Variants in TTN observed in about 807,000 individuals in gnomAD.
TTN encodes titin.
Under a neutral mutation model 3,223.0 loss-of-function variants are expected in TTN, and 1,525 were observed. The ratio of observed to expected loss-of-function variants is 0.47; its 90% CI spans 0.45 to 0.49. The LOEUF is 0.49. Among genes scored for constraint, TTN ranks in the 20% least tolerant of loss-of-function variants. The pLI, the probability that TTN is intolerant of heterozygous loss-of-function variation, is 0.00. For missense variants in TTN, 40,786 were observed against 43,424.0 expected (o/e 0.94, Z 5.40); for synonymous variants, 14,094 against 15,161.0 (o/e 0.93, Z 5.17).
In TTN at chr2:178,718,236, A is replaced by G; in HGVS notation, c.24785-15T>C. 1.9e-6 allele frequency: 3 copies of G among 1,594,096 alleles called. No homozygotes were observed. Among genetic ancestry groups the G allele is most frequent in the Non-Finnish European group, 2.6e-6 (3 of 1,172,362 alleles). The stretch of plus-strand genomic sequence containing the variant: ...GTACGGTGGTTCTATGGTACAAAGG[A>G]TGGTAGTCAGCAAGTCAGTCATGCC... On this transcript the variant is annotated splice_polypyrimidine_tract_variant and intron_variant, in intron 85 of 362. Coordinates refer to ENST00000589042, the MANE Select transcript of TTN (RefSeq NM_001267550.2).
intron 359 of TTN, 174 bp from the exon 360 acceptor site, chr2:178,529,393 T>C (rs1688031440): frequency 8.4e-6 from 4 of 476,856 alleles, no homozygotes; most frequent in Non-Finnish European, 1.4e-5. Context: ...CATGTGTGAC[T>C]TTTGAGATCA....
At chr2:178,739,063 A>G (rs532979829) in intron 48 of TTN, 78 bp downstream of exon 48, 1 of 1,423,740 alleles carries the variant, frequency 7.0e-7, no homozygotes, top group Non-Finnish European at 9.2e-7. Flanking sequence ...AGATAAGTGA[A>G]AATTTAAGTG....
In TTN at chr2:178,549,478, A is replaced by G; in HGVS notation, c.92153-5T>C. The G allele has an allele frequency of 1.3e-6, 2 of 1,596,470 alleles. No homozygotes were observed. Among genetic ancestry groups the G allele is most frequent in the Non-Finnish European group, 1.7e-6 (2 of 1,169,976 alleles). Reference sequence around the variant, plus strand: ...TGCCAGGGGCATCAGGAACAGCTGTAAAACAAAAACAAAACCCCAAATCAA... The same window carrying G: ...TGCCAGGGGCATCAGGAACAGCTGTGAAACAAAAACAAAACCCCAAATCAA... On this transcript the variant is annotated splice_region_variant and splice_polypyrimidine_tract_variant and intron_variant, in intron 338 of 362. Coordinates refer to ENST00000589042, the MANE Select transcript of TTN (RefSeq NM_001267550.2).
In TTN at chr2:178,572,476, C is replaced by T; in HGVS notation, c.73656G>A (p.Lys24552=). 6.2e-7 allele frequency: 1 copy of T among 1,612,900 alleles called. No individual in the cohort carries two copies. The highest frequency in any genetic ancestry group is 8.5e-7 in the Non-Finnish European group (1 of 1,179,298). Residue 24552 remains lysine, a synonymous_variant, in exon 326 of 363, where the codon AAG becomes AAA. Coordinates refer to ENST00000589042, the MANE Select transcript of TTN (RefSeq NM_001267550.2). ...ATTCCCGCTTTTCAACAATATAGTTCTTGATTTTTGAACCTCCATCAAGGA... is the reference window on the plus strand; with the variant it reads ...ATTCCCGCTTTTCAACAATATAGTTTTTGATTTTTGAACCTCCATCAAGGA... ...PPLLDGGSKI[K]NYIVEKREST... is the part of the protein sequence containing the mutation.
chr2:178,697,282 A>G lies in TTN; in HGVS notation c.30755-114T>C, dbSNP rs183498457. 140 of 777,028 alleles carry G rather than the reference A, an allele frequency of 1.8e-4. No individual in the cohort carries two copies. In the African/African-American group the frequency reaches 2.4e-3, roughly 14 times the overall value. The allele number at this position is 777,028 out of a possible 1,614,324, so 48.1% of individuals were successfully genotyped here. A position where few individuals can be genotyped will look rare whatever the true frequency, so the allele number is the denominator to read the frequency against. On this transcript the variant is annotated intron_variant, in intron 112 of 362. Transcript: ENST00000589042. ...TTTGTAGGAGCTATGACTACTACTC[A>G]TACACCAGCCCTTCCAGGAATCATA...
At position 178,777,832 on chromosome 2, in the gene TTN, A is replaced by T. The variant is rs1197957042; in HGVS notation, c.4352T>A (p.Leu1451His). 6.2e-7 allele frequency: 1 copy of T among 1,614,050 alleles called. No individual in the cohort carries two copies. The highest frequency in any genetic ancestry group is 8.5e-7 in the Non-Finnish European group (1 of 1,179,954). ...AAAGACTGGTTTATATAGTCTCTCA[A>T]GTTGTGACTCATCTGTCTCCTCCAG... The part of the protein sequence containing the change: ...RRLEETDESQ[L>H]ERLYKPVFVL... The change falls in exon 25 of 363, where the codon CTT (leucine) becomes CAT (histidine). Residue 1451 changes from leucine (L) to histidine (H), a missense_variant. By Grantham distance (99) the Leu-to-His change is moderately conservative. Coordinates refer to ENST00000589042, the MANE Select transcript of TTN (RefSeq NM_001267550.2).
chr2:178,779,429 T>C lies in TTN; in HGVS notation c.3763A>G (p.Ile1255Val), dbSNP rs756789018. The C allele has an allele frequency of 1.3e-6, 2 of 1,568,666 alleles. No homozygotes were observed. The highest frequency in any genetic ancestry group is 2.3e-5 in the East Asian group (1 of 44,244). Reference protein sequence around the residue: ...FHISSFEERLIKEIEYRIIKT... With the variant: ...FHISSFEERLVKEIEYRIIKT... ...ATTATTCTATATTCAATTTCTTTAA[T>C]AAGTCTCTCTTCAAAGGAAGAAATA... The change falls in exon 23 of 363, where the codon ATT becomes GTT. Residue 1255 changes from isoleucine (I) to valine (V), a missense_variant. Ile to Val is a conservative substitution (Grantham distance 29). Coordinates refer to ENST00000589042, the MANE Select transcript of TTN (RefSeq NM_001267550.2).
At chr2:178,617,691 A>T in intron 253 of TTN, 88 bp downstream of exon 253, 3 of 1,516,334 alleles carry the variant, frequency 2.0e-6, no homozygotes, top group Non-Finnish European at 2.7e-6. Flanking sequence ...CCTTTTTATT[A>T]ACTTTCATTT....
Position 178,771,215 on chromosome 2 carries a change from A to G in TTN, c.8112T>C (p.Val2704=). The change falls in exon 34 of 363, where the codon GTT becomes GTC. Residue 2704 remains valine (V), a synonymous_variant. Transcript: ENST00000589042. ...ATSKTSAKLK[V]EAVKIKKTLK... is the part of the protein sequence containing the mutation. ...GACAAATCCTATGTTACTTGCCTTC[A>G]ACTTTGAGTTTGGCAGATGTTTTGG... The G allele has an allele frequency of 6.2e-7, 1 of 1,614,008 alleles. No homozygotes were observed. The highest frequency in any genetic ancestry group is 1.3e-5 in the African/African-American group (1 of 75,052).
In TTN at chr2:178,712,077, G is replaced by A. The variant is rs1043001490; in HGVS notation, c.27753C>T (p.Tyr9251=). The part of the protein sequence containing the change: ...GDTKLRPTTT[Y]KMHFRNNVAT... ...CAACATTATTCCTAAAATGCATTTT[G>A]TAAGTCGTAGTGGGTCTCAATTTTG... The change falls in exon 96 of 363, where the codon TAC becomes TAT. Residue 9251 remains tyrosine, a synonymous_variant. Coordinates refer to ENST00000589042, the MANE Select transcript of TTN (RefSeq NM_001267550.2). 1 of 1,613,824 alleles carries A rather than the reference G, an allele frequency of 6.2e-7. No individual in the cohort carries two copies. The highest frequency in any genetic ancestry group is 8.5e-7 in the Non-Finnish European group (1 of 1,179,772).
At chr2:178,600,800 AC>A in intron 288 of TTN, 53 bp downstream of exon 288, 1 of 1,602,042 alleles carries the variant, frequency 6.2e-7, no homozygotes, top group Non-Finnish European at 8.5e-7. Context: ...ATTATTGAAC[AC>A]CTAGGAAGGC....
chr2:178,696,759 A>G (rs1213181501), intron 113 of TTN, among the ~76,000 whole-genome samples: 1 of 152,098 alleles, frequency 6.6e-6, no homozygotes, highest in African/African-American at 2.4e-5. Context: ...TTATGTAACC[A>G]AGTTAATTAG....
rs750859083 is a variant in TTN at position 178,731,910 on chromosome 2, C to T, written c.16965G>A (p.Met5655Ile). ...GAGTGCCTGCCACCTCAGCCAGCAA[C>T]ATGACATCGTACTCCTTTAAGACTT... ...PIEVLKEYDVMLLAEVAGTPP... is the reference protein window; with the variant it reads ...PIEVLKEYDVILLAEVAGTPP... Residue 5655 changes from methionine (M) to isoleucine (I), a missense_variant, in exon 58 of 363, where the codon ATG becomes ATA. Coordinates refer to ENST00000589042, the MANE Select transcript of TTN (RefSeq NM_001267550.2). 6.2e-7 allele frequency: 1 copy of T among 1,613,668 alleles called. No homozygotes were observed. Among genetic ancestry groups the T allele is most frequent in the Admixed American group, 1.7e-5 (1 of 59,996 alleles).
At chr2:178,601,236 A>C (rs770438403) in intron 287 of TTN, 29 bp downstream of exon 287, 1 of 1,519,800 alleles carries the variant, frequency 6.6e-7, no homozygotes, top group Non-Finnish European at 8.8e-7. Context: ...TTTTGAGAAG[A>C]TATTTTAAAT....
rs1197425178 is a variant in TTN at position 178,756,527 on chromosome 2, T to C, written c.10949A>G (p.Glu3650Gly). The stretch of plus-strand genomic sequence containing the variant: ...CTCACCCGTGGACTCTTTAGCACAT[T>C]CCTTAGATAGCTCAGTGCTTTCTGC... ...QIAESTELSKECAKESTGEAP... is the reference protein window; with the variant it reads ...QIAESTELSKGCAKESTGEAP... Residue 3650 changes from glutamate (E) to glycine (G), a missense_variant, in exon 46 of 363, where the codon GAA (glutamate) becomes GGA (glycine). By Grantham distance (98) the Glu-to-Gly change is moderately conservative. Transcript: ENST00000589042. The C allele has an allele frequency of 6.2e-7, 1 of 1,613,152 alleles. No homozygotes were observed. Among genetic ancestry groups the C allele is most frequent in the South Asian group, 1.1e-5 (1 of 91,050 alleles).
At chr2:178,792,992 C>T (rs909232136) in intron 9 of TTN, among the ~76,000 whole-genome samples, 5 of 152,168 alleles carry the variant, frequency 3.3e-5, no homozygotes, top group African/African-American at 4.8e-5. Flanking sequence ...AAATGTCTTC[C>T]GAAGGAGCCA....
At position 178,782,222 on chromosome 2, in the gene TTN, T is replaced by C. The variant is rs2092846515; in HGVS notation, c.3370A>G (p.Thr1124Ala). Residue 1124 changes from threonine (T) to alanine (A), a missense_variant, in exon 20 of 363, where the codon ACT becomes GCT. Thr to Ala is a moderately conservative substitution (Grantham distance 58, BLOSUM62 0). Coordinates refer to ENST00000589042, the MANE Select transcript of TTN (RefSeq NM_001267550.2). ...CAGCCATCAAAATACCTGTATCCAGTGGTTAGAGGAACACCAGATTTTTTC... is the reference window on the plus strand; with the variant it reads ...CAGCCATCAAAATACCTGTATCCAGCGGTTAGAGGAACACCAGATTTTTTC... ...YWKKSGVPLT[T>A]GYRYKVSYNK... is the part of the protein sequence containing the mutation. The C allele has an allele frequency of 6.2e-7, 1 of 1,614,098 alleles. No homozygotes were observed. Among genetic ancestry groups the C allele is most frequent in the Middle Eastern group, 1.7e-4 (1 of 6,058 alleles).
At chr2:178,643,411 C>T (rs187415816) in intron 218 of TTN, among the ~76,000 whole-genome samples, 6 of 151,724 alleles carry the variant, frequency 4.0e-5, no homozygotes, top group Admixed American at 6.6e-5. Context: ...TTAAACATTA[C>T]GTATTTTATC....
Position 178,564,473 on chromosome 2 carries a change from G to A in TTN, c.81659C>T (p.Ala27220Val), listed in dbSNP as rs1356967920. Reference sequence around the variant, plus strand: ...AGTTTCTAATACGTTGGTAAAGCTGGCTTTCATCCAGCGGCCATCAGGTAG... The same window carrying A: ...AGTTTCTAATACGTTGGTAAAGCTGACTTTCATCCAGCGGCCATCAGGTAG... ...KDLPDGRWMK[A>V]SFTNVLETEF... The change falls in exon 326 of 363, where the codon GCC becomes GTC. Residue 27220 changes from alanine (A) to valine (V), a missense_variant. Coordinates refer to ENST00000589042, the MANE Select transcript of TTN (RefSeq NM_001267550.2). 1 of 1,612,056 alleles carries A rather than the reference G, an allele frequency of 6.2e-7. No individual in the cohort carries two copies.
Sources: allele counts gnomAD v4.1 joint callset (sites outside exome capture counted in the v4.1 genomes callset), GRCh38; gene constraint gnomAD v4.1.1; transcripts MANE v1.5; gene names NCBI Gene and HGNC (gene_info 2026-07-23, HGNC 2026-07-21).